Variants in CAST observed in about 807,000 individuals in gnomAD.
CAST encodes calpastatin.
A neutral mutation model predicts 119.6 loss-of-function variants in CAST; 76 were observed. The ratio of observed to expected loss-of-function variants is 0.64; its 90% CI spans 0.53 to 0.77. The LOEUF (loss-of-function observed/expected upper bound fraction) is 0.77. Among genes scored for constraint, CAST ranks in the 30% least tolerant of loss-of-function variants. The pLI, the probability that CAST is intolerant of heterozygous loss-of-function variation, is 0.00. For synonymous variants in CAST, 319 were observed against 331.6 expected (o/e 0.96, Z 0.41); for missense variants, 953 against 946.5 (o/e 1.01, Z -0.09).
the CAST span, among the ~76,000 whole-genome samples, chr5:96,481,400 A>C: frequency 6.6e-6 from 1 of 152,208 alleles, no homozygotes; most frequent in African/African-American, 2.4e-5. Flanking sequence ...TTGTAACACA[A>C]GAAAGCTAAT....
intron 1 of CAST, among the ~76,000 whole-genome samples, chr5:96,543,900 T>C (rs937292011): frequency 6.6e-6 from 1 of 152,198 alleles, no homozygotes. Context: ...GGCTCTCTAT[T>C]CTGTTCTATT....
chr5:96,169,933 A>G, the CAST span, among the ~76,000 whole-genome samples: 1 of 152,142 alleles, frequency 6.6e-6, no homozygotes, highest in Non-Finnish European at 1.5e-5. Flanking sequence ...TTGGCACCAG[A>G]GTTGGGGAGT....
At chr5:96,730,425 C>T (rs1218310639) in intron 8 of CAST, among the ~76,000 whole-genome samples, 2 of 152,196 alleles carry the variant, frequency 1.3e-5, no homozygotes, top group African/African-American at 2.4e-5. Flanking sequence ...GGGCATTTCA[C>T]ATAACATCCC....
At chr5:96,521,132 G>A (rs1745510137), upstream of CAST, among the ~76,000 whole-genome samples, 1 of 152,198 alleles carries the variant, frequency 6.6e-6, no homozygotes, top group African/African-American at 2.4e-5. Flanking sequence ...TGGACTGTGA[G>A]TTCCCTGAGG....
At chr5:96,267,211 T>C in the CAST span, among the ~76,000 whole-genome samples, 2 of 152,146 alleles carry the variant, frequency 1.3e-5, no homozygotes, top group African/African-American at 2.4e-5. Flanking sequence ...CTAAGAATTA[T>C]TGATGTTCAA....
At chr5:96,131,803 A>G in the CAST span, among the ~76,000 whole-genome samples, 2 of 152,166 alleles carry the variant, frequency 1.3e-5, no homozygotes, top group South Asian at 2.1e-4. Context: ...CATTTTAGAA[A>G]ATAAAATGAA....
the CAST span, among the ~76,000 whole-genome samples, chr5:96,360,533 T>C: frequency 6.6e-6 from 1 of 152,172 alleles, no homozygotes; most frequent in Non-Finnish European, 1.5e-5. Flanking sequence ...TCCTTTTTGT[T>C]GATGTGGATG....
chr5:96,505,126 C>T, the CAST span, among the ~76,000 whole-genome samples: 3 of 152,066 alleles, frequency 2.0e-5, no homozygotes, highest in Non-Finnish European at 4.4e-5. Flanking sequence ...GTAAAGGAGC[C>T]GAACTGCTGG....
chr5:96,689,566 A>G (rs1183879932), intron 2 of CAST, among the ~76,000 whole-genome samples: 2 of 152,210 alleles, frequency 1.3e-5, no homozygotes, highest in Non-Finnish European at 2.9e-5. Flanking sequence ...TTATATACAC[A>G]TGCAAATACA....
At chr5:96,324,796 C>T in the CAST span, among the ~76,000 whole-genome samples, 1 of 151,904 alleles carries the variant, frequency 6.6e-6, no homozygotes, top group South Asian at 2.1e-4. Context: ...CTACTATAAC[C>T]CTTACCTTTT....
At chr5:96,460,843 G>A in the CAST span, among the ~76,000 whole-genome samples, 1 of 151,586 alleles carries the variant, frequency 6.6e-6, no homozygotes, top group Admixed American at 6.5e-5. Context: ...TCCATCGATA[G>A]ACCACAAATT....
chr5:96,320,141 A>C, the CAST span, among the ~76,000 whole-genome samples: 1 of 147,770 alleles, frequency 6.8e-6, no homozygotes, highest in Non-Finnish European at 1.5e-5. Flanking sequence ...TGCAGTAACT[A>C]CTCCTCCTAA....
Position 96,757,563 on chromosome 5 carries a change from A to G in CAST, c.1762-20A>G. 1 of 1,613,040 alleles carries G rather than the reference A, an allele frequency of 6.2e-7. No homozygotes were observed. The highest frequency in any genetic ancestry group is 8.5e-7 in the Non-Finnish European group (1 of 1,179,026). ...CCTGATTGCAATGGTGTTTGTTGAT[A>G]CATTTCCTGGTTCTTGCAGCCCATG... On this transcript the variant is annotated intron_variant, in intron 23 of 31. Coordinates refer to ENST00000675179, the MANE Select transcript of CAST (RefSeq NM_001750.7).
At chr5:96,682,042 GT>G (rs1194525905) in intron 2 of CAST, among the ~76,000 whole-genome samples, 6 of 152,198 alleles carry the variant, frequency 3.9e-5, no homozygotes, top group African/African-American at 1.4e-4. Context: ...AGTTATTGTT[GT>G]TAATCTCTTA....
At chr5:96,041,708 A>T in the CAST span, among the ~76,000 whole-genome samples, 1 of 150,080 alleles carries the variant, frequency 6.7e-6, no homozygotes, top group Non-Finnish European at 1.5e-5. Context: ...AACTATTATA[A>T]AAAAAAAAGT....
the CAST span, among the ~76,000 whole-genome samples, chr5:96,178,811 C>T: frequency 1.3e-5 from 2 of 152,140 alleles, no homozygotes; most frequent in Admixed American, 1.3e-4. Context: ...GTAATGGGTG[C>T]ATAGATGAGA....
the CAST span, among the ~76,000 whole-genome samples, chr5:96,146,239 G>C: frequency 6.6e-6 from 1 of 152,246 alleles, no homozygotes; most frequent in Non-Finnish European, 1.5e-5. Flanking sequence ...GTAGGAATTT[G>C]AACATAAGTT....
At chr5:96,722,008 C>T (rs536980910) in intron 3 of CAST, among the ~76,000 whole-genome samples, 2 of 152,242 alleles carry the variant, frequency 1.3e-5, no homozygotes, top group South Asian at 4.1e-4. Flanking sequence ...GGACAGTTCA[C>T]ATCCACCCAA....
chr5:96,740,060 T>A lies in CAST; in HGVS notation c.821T>A (p.Ile274Lys). 6.3e-7 allele frequency: 1 copy of A among 1,577,812 alleles called. No homozygotes were observed. Among genetic ancestry groups the A allele is most frequent in the Non-Finnish European group, 8.7e-7 (1 of 1,152,798 alleles). Residue 274 changes from isoleucine (I) to lysine (K), a missense_variant, in exon 12 of 32, where the codon ATA becomes AAA. By Grantham distance (102) the Ile-to-Lys change is moderately radical. Coordinates refer to ENST00000675179, the MANE Select transcript of CAST (RefSeq NM_001750.7). ...CAGGATCCAATGAGTTCCACCTACA[T>A]AGAGGAATTGGGTAAAAGAGAAGTC... is the stretch of plus-strand genomic sequence containing the variant. Reference protein sequence around the residue: ...EVSDPMSSTYIEELGKREVTI... With the variant: ...EVSDPMSSTYKEELGKREVTI...
Sources: allele counts gnomAD v4.1 joint callset (sites outside exome capture counted in the v4.1 genomes callset), GRCh38; gene constraint gnomAD v4.1.1; transcripts MANE v1.5; gene names NCBI Gene and HGNC (gene_info 2026-07-23, HGNC 2026-07-21).